Variants in KLF12 observed in about 807,000 individuals in gnomAD.
KLF12 encodes KLF transcription factor 12.
Under a neutral mutation model 37.8 loss-of-function variants are expected in KLF12, and 9 were observed. The observed-to-expected ratio is 0.24, with a 90% CI of 0.14 to 0.42. KLF12 has a LOEUF of 0.42. Among genes scored for constraint, KLF12 ranks in the 10% least tolerant of loss-of-function variants. The pLI, the probability that KLF12 is intolerant of heterozygous loss-of-function variation, is 1.00. For synonymous variants in KLF12, 208 were observed against 202.1 expected, an observed-to-expected ratio of 1.03 and a Z score of -0.25; for missense variants, 411 against 516.0, an observed-to-expected ratio of 0.80 and a Z score of 1.97.
chr13:74,270,974 C>T, the KLF12 span, among the ~76,000 whole-genome samples: 1 of 152,136 alleles, frequency 6.6e-6, no homozygotes, highest in Non-Finnish European at 1.5e-5. Flanking sequence ...CGGTTCATGG[C>T]CTGTTAGGAA....
chr13:74,303,620 C>T, the KLF12 span, among the ~76,000 whole-genome samples: 9 of 152,050 alleles, frequency 5.9e-5, no homozygotes, highest in Admixed American at 2.0e-4. Flanking sequence ...GTCCTTAAAA[C>T]GGAATGACTT....
the KLF12 span, among the ~76,000 whole-genome samples, chr13:74,303,621 G>A: frequency 1.3e-5 from 2 of 152,096 alleles, no homozygotes; most frequent in Middle Eastern, 3.4e-3. Context: ...TCCTTAAAAC[G>A]GAATGACTTT....
chr13:74,075,560 T>C (rs1874514751), intron 1 of KLF12, among the ~76,000 whole-genome samples: 1 of 152,202 alleles, frequency 6.6e-6, no homozygotes, highest in Non-Finnish European at 1.5e-5. Context: ...GCATCAAACA[T>C]TGAGAACCAC....
chr13:74,162,607 T>TCTCC, the KLF12 span, among the ~76,000 whole-genome samples: 7 of 152,218 alleles, frequency 4.6e-5, no homozygotes, highest in Non-Finnish European at 8.8e-5. Flanking sequence ...CTTGTATTTC[T>TCTCC]CTCCTTCGTT....
the KLF12 span, among the ~76,000 whole-genome samples, chr13:74,284,162 T>C: frequency 6.6e-6 from 1 of 152,202 alleles, no homozygotes; most frequent in African/African-American, 2.4e-5. Flanking sequence ...CGGCCTAGTG[T>C]GTATAAGTCT....
upstream of KLF12, among the ~76,000 whole-genome samples, chr13:74,138,757 C>G (rs912097233): frequency 2.6e-5 from 4 of 152,298 alleles, no homozygotes; most frequent in Middle Eastern, 6.8e-3. Context: ...ATCTAGCCCC[C>G]TTTCCCTCAC....
chr13:74,214,182 A>G, the KLF12 span, among the ~76,000 whole-genome samples: 2 of 152,192 alleles, frequency 1.3e-5, no homozygotes, highest in African/African-American at 2.4e-5. Context: ...GATCAATAAG[A>G]CACTTTTGAA....
At chr13:73,951,103 T>A (rs1890630889) in intron 2 of KLF12, among the ~76,000 whole-genome samples, 1 of 152,184 alleles carries the variant, frequency 6.6e-6, no homozygotes, top group Admixed American at 6.5e-5. Flanking sequence ...AACCACAATA[T>A]CCTCACAAGT....
chr13:74,026,879 G>C (rs953110957), intron 1 of KLF12, among the ~76,000 whole-genome samples: 3 of 152,172 alleles, frequency 2.0e-5, no homozygotes, highest in Admixed American at 1.3e-4. Flanking sequence ...GTCCCACGGT[G>C]AAGTCAGGTG....
At chr13:74,020,626 C>T (rs1892818043) in intron 1 of KLF12, among the ~76,000 whole-genome samples, 1 of 152,100 alleles carries the variant, frequency 6.6e-6, no homozygotes, top group African/African-American at 2.4e-5. Flanking sequence ...CGCAGTGGCT[C>T]ACGTCTGTAA....
chr13:73,900,922 T>C (rs1361944413), intron 3 of KLF12, among the ~76,000 whole-genome samples: 1 of 152,138 alleles, frequency 6.6e-6, no homozygotes, highest in African/African-American at 2.4e-5. Flanking sequence ...TGAGTTCTAG[T>C]TTTAAAACCA....
intron 1 of KLF12, among the ~76,000 whole-genome samples, chr13:74,041,704 A>G (rs1893406124): frequency 6.7e-6 from 1 of 149,406 alleles, no homozygotes; most frequent in Non-Finnish European, 1.5e-5. Flanking sequence ...ACACACACAC[A>G]CACACACACA....
intron 3 of KLF12, among the ~76,000 whole-genome samples, chr13:73,897,459 T>C (rs1887839508): frequency 6.6e-6 from 1 of 152,156 alleles, no homozygotes; most frequent in South Asian, 2.1e-4. Context: ...AGCTCCCCCA[T>C]CCGAATCAGG....
rs566502097 is a variant in KLF12 at position 73,721,665 on chromosome 13, G to A, written c.870-6140C>T. Among the ~76,000 whole-genome samples, 10 of 151,572 alleles carry A rather than the reference G, an allele frequency of 6.6e-5. No individual in the cohort carries two copies. The East Asian group carries it at 7.7e-4, about 12-fold the overall frequency. On this transcript the variant is annotated intron_variant, in intron 6 of 7. Transcript: ENST00000377669. ...ACTCCTGGACTCAAACAATCCTTCCGCCTCAGCCTCCTGGGAACTAGGACT... is the reference window on the plus strand; with the variant it reads ...ACTCCTGGACTCAAACAATCCTTCCACCTCAGCCTCCTGGGAACTAGGACT...
chr13:74,245,240 G>A, the KLF12 span, among the ~76,000 whole-genome samples: 1 of 152,160 alleles, frequency 6.6e-6, no homozygotes, highest in African/African-American at 2.4e-5. Context: ...GGACATACAG[G>A]TGAGACATTT....
chr13:73,696,441 G>A (rs1408118836), intron 7 of KLF12, among the ~76,000 whole-genome samples: 1 of 152,176 alleles, frequency 6.6e-6, no homozygotes, highest in Non-Finnish European at 1.5e-5. Context: ...CAAAGGCTGT[G>A]CTGGGAAAAG....
chr13:74,118,324 T>A (rs1402433616), intron 1 of KLF12, among the ~76,000 whole-genome samples: 3 of 152,346 alleles, frequency 2.0e-5, no homozygotes, highest in Admixed American at 1.3e-4. Context: ...TATTTCAAAA[T>A]CTTTTAAATG....
chr13:74,189,266 C>T, the KLF12 span, among the ~76,000 whole-genome samples: 1 of 152,150 alleles, frequency 6.6e-6, no homozygotes, highest in African/African-American at 2.4e-5. Context: ...ATGGTAGACT[C>T]ATAAGAAAAA....
intron 6 of KLF12, among the ~76,000 whole-genome samples, chr13:73,763,085 T>C (rs1221046523): frequency 5.9e-5 from 9 of 152,216 alleles, no homozygotes; most frequent in Non-Finnish European, 8.8e-5. Flanking sequence ...TCTAGGTCTT[T>C]GCTCAAAAGC....
Sources: allele counts gnomAD v4.1 joint callset (sites outside exome capture counted in the v4.1 genomes callset), GRCh38; gene constraint gnomAD v4.1.1; transcripts MANE v1.5; gene names NCBI Gene and HGNC (gene_info 2026-07-23, HGNC 2026-07-21).